Variants in SDK1 observed in about 807,000 individuals in gnomAD.
SDK1 encodes protein sidekick-1.
In SDK1, 157 loss-of-function variants were observed where a neutral mutation model predicts 245.5. That is an observed-to-expected ratio of 0.64 (90% CI 0.56 to 0.73). The LOEUF (loss-of-function observed/expected upper bound fraction) is 0.73. Among genes scored for constraint, SDK1 ranks in the 30% least tolerant of loss-of-function variants. SDK1 has a pLI of 0.00. For missense variants in SDK1, 3,583 were observed against 3,002.3 expected (o/e 1.19, Z -4.52); for synonymous variants, 1,647 against 1,278.5 (o/e 1.29, Z -6.15).
chr7:3,867,475 A>G (rs1405438648), intron 5 of SDK1, among the ~76,000 whole-genome samples: 2 of 152,196 alleles, frequency 1.3e-5, no homozygotes, highest in Non-Finnish European at 2.9e-5. Flanking sequence ...ACAGTGTCAT[A>G]TGGCTGGGGC....
intron 4 of SDK1, among the ~76,000 whole-genome samples, chr7:3,725,487 A>G (rs565690031): frequency 6.6e-6 from 1 of 152,340 alleles, no homozygotes; most frequent in African/African-American, 2.4e-5. Flanking sequence ...TAGTTACACA[A>G]GAAACTGTGA....
At chr7:3,518,986 T>G (rs1245907171) in intron 1 of SDK1, among the ~76,000 whole-genome samples, 1 of 151,938 alleles carries the variant, frequency 6.6e-6, no homozygotes, top group Non-Finnish European at 1.5e-5. Context: ...GGAAGTCCTG[T>G]CATTTGAGAC....
intron 1 of SDK1, among the ~76,000 whole-genome samples, chr7:3,588,744 T>A (rs1780767049): frequency 6.6e-6 from 1 of 152,228 alleles, no homozygotes; most frequent in Non-Finnish European, 1.5e-5. Flanking sequence ...TTGCTATCAG[T>A]TCTAGAATAA....
chr7:4,207,271 A>G (rs552963802), intron 36 of SDK1, among the ~76,000 whole-genome samples: 16 of 152,198 alleles, frequency 1.1e-4, no homozygotes, highest in Admixed American at 2.0e-4. Context: ...AGCCGCTCTA[A>G]CAGCCTGGCC....
chr7:3,800,828 C>T (rs941496894), intron 4 of SDK1, among the ~76,000 whole-genome samples: 4 of 152,136 alleles, frequency 2.6e-5, no homozygotes, highest in Non-Finnish European at 4.4e-5. Context: ...GCTTATTGAC[C>T]TGTAGAAACT....
chr7:3,316,480 C>G (rs1055498406), intron 1 of SDK1, among the ~76,000 whole-genome samples: 1 of 152,138 alleles, frequency 6.6e-6, no homozygotes, highest in African/African-American at 2.4e-5. Flanking sequence ...ACAGAATTGC[C>G]TAATAGTGCA....
intron 1 of SDK1, among the ~76,000 whole-genome samples, chr7:3,421,670 G>C (rs912386179): frequency 6.6e-6 from 1 of 152,154 alleles, no homozygotes; most frequent in African/African-American, 2.4e-5. Context: ...AGTATCTCTA[G>C]GCAGTGAGGT....
intron 17 of SDK1, among the ~76,000 whole-genome samples, chr7:4,030,329 C>G (rs1257308502): frequency 1.3e-5 from 2 of 152,232 alleles, no homozygotes; most frequent in African/African-American, 4.8e-5. Flanking sequence ...ACGCAGAAGA[C>G]AGAGGGGAAC....
chr7:4,089,692 C>G (rs12701397), intron 22 of SDK1, among the ~76,000 whole-genome samples: 53,933 of 152,072 alleles, frequency 0.35, 12,460 homozygotes, highest in African/African-American at 0.66. Context: ...CAGCTCACAG[C>G]CTGCAGCCAG....
At chr7:4,216,520 A>G (rs1360494476) in intron 38 of SDK1, among the ~76,000 whole-genome samples, 5 of 152,052 alleles carry the variant, frequency 3.3e-5, no homozygotes, top group Admixed American at 6.6e-5. Flanking sequence ...CGGTAACTGG[A>G]CCTCCACATG....
intron 28 of SDK1, among the ~76,000 whole-genome samples, chr7:4,144,028 C>T (rs897288313): frequency 2.6e-5 from 4 of 151,802 alleles, no homozygotes; most frequent in Non-Finnish European, 5.9e-5. Flanking sequence ...TGTGTGTGCA[C>T]GGCTGACTCC....
intron 35 of SDK1, among the ~76,000 whole-genome samples, chr7:4,181,160 C>T (rs778676853): frequency 6.6e-6 from 1 of 152,192 alleles, no homozygotes; most frequent in Non-Finnish European, 1.5e-5. Flanking sequence ...TGCAAGTTCA[C>T]CTCTCGATAC....
intron 4 of SDK1, among the ~76,000 whole-genome samples, chr7:3,804,219 T>A (rs1432464392): frequency 6.6e-6 from 1 of 152,248 alleles, no homozygotes; most frequent in African/African-American, 2.4e-5. Flanking sequence ...ATTTTACAGT[T>A]TTACAAATAT....
At position 4,210,010 on chromosome 7, in the gene SDK1, G is replaced by T; in HGVS notation, c.5402-15G>T. 1 of 1,556,880 alleles carries T rather than the reference G, an allele frequency of 6.4e-7. No homozygotes were observed. The highest frequency in any genetic ancestry group is 1.2e-5 in the South Asian group (1 of 81,606). ...GGAGCCCCTGTAAAAGTCACTTTGT[G>T]TTCTATTCTCCCAGCCCCTGGGGCC... is the stretch of plus-strand genomic sequence containing the variant. On this transcript the variant is annotated splice_polypyrimidine_tract_variant and intron_variant, in intron 37 of 44. Coordinates refer to ENST00000404826, the MANE Select transcript of SDK1 (RefSeq NM_152744.4).
chr7:3,498,569 C>T (rs1583954624), intron 1 of SDK1, among the ~76,000 whole-genome samples: 1 of 152,040 alleles, frequency 6.6e-6, no homozygotes, highest in East Asian at 1.9e-4. Context: ...TAGTAGCTAC[C>T]ATTGATAGCT....
intron 1 of SDK1, among the ~76,000 whole-genome samples, chr7:3,331,813 G>T (rs957739087): frequency 1.3e-5 from 2 of 152,064 alleles, no homozygotes; most frequent in African/African-American, 4.8e-5. Flanking sequence ...TTTTAAGGCA[G>T]TCCCAATTAG....
chr7:3,508,915 AG>A (rs772889455), intron 1 of SDK1, among the ~76,000 whole-genome samples: 1 of 152,216 alleles, frequency 6.6e-6, no homozygotes, highest in Non-Finnish European at 1.5e-5. Context: ...TATTCAGTGC[AG>A]GATTTAGTTT....
intron 27 of SDK1, 134 bp downstream of exon 27, chr7:4,130,231 C>A: frequency 9.4e-7 from 1 of 1,062,644 alleles, no homozygotes; most frequent in Non-Finnish European, 1.3e-6. Context: ...GGAAACAAAA[C>A]AAAATTGTTT....
At chr7:4,010,687 C>A (rs766386048) in intron 14 of SDK1, among the ~76,000 whole-genome samples, 1 of 152,262 alleles carries the variant, frequency 6.6e-6, no homozygotes, top group East Asian at 1.9e-4. Context: ...GAATTAGGGA[C>A]GTTTTGGTTC....
Sources: allele counts gnomAD v4.1 joint callset (sites outside exome capture counted in the v4.1 genomes callset), GRCh38; gene constraint gnomAD v4.1.1; transcripts MANE v1.5; gene names NCBI Gene and HGNC (gene_info 2026-07-23, HGNC 2026-07-21).